GNG7: variants seen among roughly 807,000 people sequenced by gnomAD.
The protein encoded by GNG7 is G protein subunit gamma 7, also known as guanine nucleotide-binding protein G(I)/G(S)/G(O) subunit gamma-7.
GNG7 carries 1 observed loss-of-function variant against 4.0 expected under a neutral mutation model. That is an observed-to-expected ratio of 0.25 (90% CI 0.09 to 1.18). The LOEUF is 1.18. GNG7 is among the 50% of genes most tolerant of loss of function. The pLI is 0.50. For missense variants in GNG7, 86 were observed against 91.9 expected, an observed-to-expected ratio of 0.94 and a Z score of 0.26; for synonymous variants, 34 against 36.9, an observed-to-expected ratio of 0.92 and a Z score of 0.29.
chr19:2,584,442 C>CA (rs1340213025), intron 2 of GNG7, among the ~76,000 whole-genome samples: 2 of 149,896 alleles, frequency 1.3e-5, no homozygotes, highest in African/African-American at 2.5e-5. Flanking sequence ...GACCTTGTCT[C>CA]AAAAAATAAA....
intron 1 of GNG7, among the ~76,000 whole-genome samples, chr19:2,660,100 C>T (rs572752495): frequency 1.3e-5 from 2 of 152,278 alleles, no homozygotes; most frequent in South Asian, 4.2e-4. Flanking sequence ...CCCAATTAGC[C>T]TCTGTCGGAT....
intron 2 of GNG7, among the ~76,000 whole-genome samples, chr19:2,563,771 C>T (rs1003039910): frequency 3.3e-5 from 5 of 152,100 alleles, no homozygotes; most frequent in South Asian, 2.1e-4. Flanking sequence ...CATGAGCCAC[C>T]GCGCCCGGCC....
chr19:2,692,225 C>A (rs1345472794), intron 1 of GNG7, among the ~76,000 whole-genome samples: 1 of 151,716 alleles, frequency 6.6e-6, no homozygotes, highest in Non-Finnish European at 1.5e-5. Flanking sequence ...GAAGCCACAG[C>A]CGTCTCTGTG....
chr19:2,589,737 C>T (rs117336643), intron 2 of GNG7, among the ~76,000 whole-genome samples: 2,078 of 152,300 alleles, frequency 0.014, 31 homozygotes, highest in Middle Eastern at 0.024. Context: ...ATACGCACTA[C>T]AACGTGGATG....
intron 2 of GNG7, among the ~76,000 whole-genome samples, chr19:2,560,653 C>G (rs1443330338): frequency 6.6e-6 from 1 of 152,090 alleles, no homozygotes; most frequent in Non-Finnish European, 1.5e-5. Flanking sequence ...TGGGGGGACC[C>G]TGAATTCATT....
At chr19:2,694,947 G>A (rs1913209855) in intron 1 of GNG7, among the ~76,000 whole-genome samples, 1 of 152,022 alleles carries the variant, frequency 6.6e-6, no homozygotes, top group South Asian at 2.1e-4. Context: ...TCACAGGGTA[G>A]GGTTGAACTC....
At chr19:2,651,493 TTC>T (rs1282866750) in intron 1 of GNG7, among the ~76,000 whole-genome samples, 1 of 145,460 alleles carries the variant, frequency 6.9e-6, no homozygotes, top group Non-Finnish European at 1.5e-5. Context: ...CTTACTCTCT[TTC>T]TGTCTTCCTT....
intron 1 of GNG7, among the ~76,000 whole-genome samples, chr19:2,646,888 G>A (rs1568273251): frequency 6.6e-6 from 1 of 152,186 alleles, no homozygotes; most frequent in African/African-American, 2.4e-5. Flanking sequence ...CTCCCTGGGA[G>A]GAAGAAGAAG....
At chr19:2,615,268 T>G (rs920374355) in intron 2 of GNG7, among the ~76,000 whole-genome samples, 1 of 150,924 alleles carries the variant, frequency 6.6e-6, no homozygotes, top group African/African-American at 2.4e-5. Flanking sequence ...TTCCCACCAT[T>G]CAGGCTCCCC....
intron 3 of GNG7, among the ~76,000 whole-genome samples, chr19:2,537,171 C>G (rs1010092388): frequency 3.3e-5 from 5 of 151,700 alleles, no homozygotes; most frequent in East Asian, 3.9e-4. Context: ...GGATGGTCTC[C>G]ATCTCCTGAC....
chr19:2,575,883 G>A (rs1332841431), intron 2 of GNG7, among the ~76,000 whole-genome samples: 1 of 142,558 alleles, frequency 7.0e-6, no homozygotes, highest in Non-Finnish European at 1.5e-5. Context: ...GCACACGCAG[G>A]CACACGCAGA....
At chr19:2,525,549 G>A (rs749160197) in intron 3 of GNG7, among the ~76,000 whole-genome samples, 18 of 152,024 alleles carry the variant, frequency 1.2e-4, no homozygotes, top group Admixed American at 2.6e-4. Context: ...GACCAGCCCC[G>A]AAACAGAGCA....
chr19:2,691,437 A>G (rs984044166), intron 1 of GNG7, among the ~76,000 whole-genome samples: 2 of 152,048 alleles, frequency 1.3e-5, no homozygotes, highest in Admixed American at 6.6e-5. Context: ...CCAGCTACTC[A>G]GGAGGCTGAG....
intron 1 of GNG7, among the ~76,000 whole-genome samples, chr19:2,664,557 G>A (rs900062295): frequency 1.3e-5 from 2 of 152,108 alleles, no homozygotes; most frequent in African/African-American, 4.8e-5. Context: ...TCTGTGAGCC[G>A]AGGTCAAGGA....
chr19:2,531,927 G>A (rs1324921312), intron 3 of GNG7, among the ~76,000 whole-genome samples: 7 of 151,746 alleles, frequency 4.6e-5, no homozygotes, highest in Admixed American at 6.6e-5. Flanking sequence ...CTAGGCAGGC[G>A]GATCATGAGG....
intron 1 of GNG7, among the ~76,000 whole-genome samples, chr19:2,656,749 C>A (rs1982986044): frequency 6.6e-6 from 1 of 152,132 alleles, no homozygotes; most frequent in African/African-American, 2.4e-5. Flanking sequence ...TGCTTCTGGG[C>A]TCCTACAGCA....
intron 1 of GNG7, among the ~76,000 whole-genome samples, chr19:2,647,075 C>T (rs1045133448): frequency 5.3e-5 from 8 of 152,216 alleles, no homozygotes; most frequent in African/African-American, 1.9e-4. Flanking sequence ...AGGCTGCGAC[C>T]AGGAACTCCC....
Position 2,657,876 on chromosome 19 carries a change from C to T in GNG7, c.-134-11596G>A, listed in dbSNP as rs559025317. On this transcript the variant is annotated intron_variant, in intron 1 of 4. Transcript: ENST00000382159. ...GAAAGTACTAAAAGTCTCTGAAATG[C>T]GGAAATAATGGCGTAAGCTGTCTCC... 2.9e-3 allele frequency among the ~76,000 whole-genome samples: 444 copies of T among 152,154 alleles called. 2 individuals are homozygous for T. The highest frequency in any genetic ancestry group is 0.01 in the African/African-American group (420 of 41,498).
chr19:2,582,796 G>A (rs1980541653), intron 2 of GNG7, among the ~76,000 whole-genome samples: 1 of 150,576 alleles, frequency 6.6e-6, no homozygotes, highest in Admixed American at 6.7e-5. Flanking sequence ...AGCTTCCCGA[G>A]TAGCTAGGAC....
Sources: gnomAD v4.1 joint callset for allele counts (sites outside exome capture counted in the v4.1 genomes callset) on GRCh38, gnomAD v4.1.1 for gene constraint, MANE v1.5 for transcripts, NCBI Gene and HGNC (gene_info 2026-07-23, HGNC 2026-07-21) for gene names.